The following PPP2R2B variants were observed in gnomAD, a reference collection of about 807,000 sequenced individuals.
PPP2R2B encodes serine/threonine-protein phosphatase 2A 55 kDa regulatory subunit B beta isoform.
A neutral mutation model predicts 46.0 loss-of-function variants in PPP2R2B; 5 were observed. The observed-to-expected ratio is 0.11, with a 90% CI of 0.06 to 0.23. The LOEUF (loss-of-function observed/expected upper bound fraction) is 0.23, where lower values mean the gene tolerates loss of function less well. PPP2R2B is among the 10% of genes least tolerant of loss of function. PPP2R2B has a pLI of 1.00. For missense variants in PPP2R2B, 367 were observed against 575.0 expected (o/e 0.64, Z 3.70); for synonymous variants, 215 against 206.7 (o/e 1.04, Z -0.34).
chr5:146,704,868 G>A (rs190252783), intron 2 of PPP2R2B, among the ~76,000 whole-genome samples: 17 of 152,272 alleles, frequency 1.1e-4, no homozygotes, highest in Admixed American at 2.0e-4. Flanking sequence ...TGAGGCTTAC[G>A]GAAACAGAGG....
chr5:147,045,568 G>A (rs1308361483), intron 1 of PPP2R2B, among the ~76,000 whole-genome samples: 1 of 152,072 alleles, frequency 6.6e-6, no homozygotes, highest in Non-Finnish European at 1.5e-5. Flanking sequence ...GCATGACTGA[G>A]TGCTAATCTG....
intron 1 of PPP2R2B, among the ~76,000 whole-genome samples, chr5:147,038,623 A>G (rs999591477): frequency 5.3e-5 from 8 of 152,230 alleles, no homozygotes; most frequent in African/African-American, 1.9e-4. Flanking sequence ...AACGAATTAT[A>G]ATAGCCAACA....
intron 5 of PPP2R2B, among the ~76,000 whole-genome samples, chr5:146,664,826 T>C (rs1776879196): frequency 6.6e-6 from 1 of 152,222 alleles, no homozygotes; most frequent in Admixed American, 6.5e-5. Flanking sequence ...ATCTGTGGGC[T>C]GCAGAATGGA....
At chr5:146,989,754 A>C (rs1366610748) in intron 1 of PPP2R2B, among the ~76,000 whole-genome samples, 6 of 152,134 alleles carry the variant, frequency 3.9e-5, no homozygotes, top group Non-Finnish European at 8.8e-5. Flanking sequence ...CAAAGCAAGT[A>C]GGCAAGAGAA....
chr5:146,861,217 G>A (rs754290766), intron 2 of PPP2R2B, among the ~76,000 whole-genome samples: 20 of 151,864 alleles, frequency 1.3e-4, no homozygotes, highest in East Asian at 1.9e-4. Flanking sequence ...CACCACGCCC[G>A]GCTAATTTTT....
At chr5:146,870,089 T>A (rs319223) in intron 2 of PPP2R2B, among the ~76,000 whole-genome samples, 3,673 of 152,276 alleles carry the variant, frequency 0.024, 168 homozygotes, top group African/African-American at 0.084. Context: ...TAGAGGGACA[T>A]CAAGCTGATC....
At chr5:146,749,200 C>T (rs10076854) in intron 2 of PPP2R2B, among the ~76,000 whole-genome samples, 95,634 of 152,110 alleles carry the variant, frequency 0.63, 30,741 homozygotes, top group Non-Finnish European at 0.69. Flanking sequence ...ATCTGTCTAT[C>T]GTCTTTGGTG....
intron 2 of PPP2R2B, among the ~76,000 whole-genome samples, chr5:146,740,505 T>C (rs1706477586): frequency 6.6e-6 from 1 of 151,626 alleles, no homozygotes; most frequent in Non-Finnish European, 1.5e-5. Context: ...AAAAAGGTCT[T>C]ATGGAAGCTA....
chr5:146,761,795 C>G (rs1025338997), intron 2 of PPP2R2B, among the ~76,000 whole-genome samples: 1 of 151,950 alleles, frequency 6.6e-6, no homozygotes, highest in African/African-American at 2.4e-5. Context: ...TGTAAAACAC[C>G]TAGCATGGTG....
chr5:146,654,720 C>A (rs1012436216), intron 5 of PPP2R2B, among the ~76,000 whole-genome samples: 3 of 152,170 alleles, frequency 2.0e-5, no homozygotes, highest in African/African-American at 7.2e-5. Flanking sequence ...TTCTTGAAAT[C>A]TACAGATGAG....
chr5:146,593,503 AATAAG>A (rs1172621046), intron 8 of PPP2R2B, among the ~76,000 whole-genome samples: 1 of 152,256 alleles, frequency 6.6e-6, no homozygotes, highest in African/African-American at 2.4e-5. Context: ...CAAGTAAATA[AATAAG>A]ATGTTTAGAT....
intron 2 of PPP2R2B, among the ~76,000 whole-genome samples, chr5:146,725,252 C>T (rs576303591): frequency 1.3e-5 from 2 of 152,250 alleles, no homozygotes; most frequent in East Asian, 3.9e-4. Context: ...TGAATTAATG[C>T]TTCTTATTGC....
chr5:146,753,410 A>G (rs924763144), intron 2 of PPP2R2B, among the ~76,000 whole-genome samples: 6 of 152,188 alleles, frequency 3.9e-5, no homozygotes, highest in Non-Finnish European at 5.9e-5. Flanking sequence ...GTTTGTATTG[A>G]ATAAATAAGT....
intron 5 of PPP2R2B, among the ~76,000 whole-genome samples, chr5:146,686,898 C>G (rs1221379813): frequency 6.6e-6 from 1 of 151,958 alleles, no homozygotes; most frequent in African/African-American, 2.4e-5. Context: ...TACTCCTGGG[C>G]AGCGGGAGGT....
rs1332719062 is a variant in PPP2R2B at position 146,911,273 on chromosome 5, G to A, written c.79+144392C>T. ...TAATTTTTGTATTTTTAGTAGAGAC[G>A]GGGTTTCGCCATATCGGCCAGGCTG... is the stretch of plus-strand genomic sequence containing the variant. On this transcript the variant is annotated intron_variant, in intron 1 of 8. Transcript: ENST00000336640. Among the ~76,000 whole-genome samples, 7 of 152,172 alleles carry A rather than the reference G, an allele frequency of 4.6e-5. 1 individual carries two copies. The East Asian group carries it at 5.8e-4, about 13-fold the overall frequency.
chr5:146,672,129 T>C (rs559126680), intron 5 of PPP2R2B, among the ~76,000 whole-genome samples: 17 of 152,130 alleles, frequency 1.1e-4, no homozygotes, highest in South Asian at 1.0e-3. Context: ...AAGAAAGACA[T>C]AGGGAAGCAA....
chr5:146,734,917 A>G (rs573226272), intron 2 of PPP2R2B, among the ~76,000 whole-genome samples: 2 of 152,310 alleles, frequency 1.3e-5, no homozygotes, highest in Admixed American at 1.3e-4. Flanking sequence ...CATCACTTTT[A>G]TTACCCGCCC....
intron 8 of PPP2R2B, among the ~76,000 whole-genome samples, chr5:146,594,464 T>A (rs575544502): frequency 2.6e-5 from 4 of 152,310 alleles, no homozygotes; most frequent in Non-Finnish European, 5.9e-5. Flanking sequence ...TTGAAGGTAA[T>A]CCTTCCTGAA....
chr5:146,848,167 T>C (rs892899114), intron 2 of PPP2R2B, among the ~76,000 whole-genome samples: 15 of 152,220 alleles, frequency 9.9e-5, no homozygotes, highest in African/African-American at 3.4e-4. Flanking sequence ...ACAGATTTTA[T>C]TTTTAAAAAT....
Sources: allele counts gnomAD v4.1 joint callset (sites outside exome capture counted in the v4.1 genomes callset), GRCh38; gene constraint gnomAD v4.1.1; transcripts MANE v1.5; gene names NCBI Gene and HGNC (gene_info 2026-07-23, HGNC 2026-07-21).